JRK: variants seen among roughly 807,000 people sequenced by gnomAD.
The protein encoded by JRK is jerky protein homolog.
For synonymous variants in JRK, 303 were observed against 218.1 expected (o/e 1.39, Z -3.43); for missense variants, 720 against 509.2 (o/e 1.41, Z -3.98).
Position 142,664,956 on chromosome 8 carries a change from C to T in JRK, c.1103G>A (p.Cys368Tyr). Residue 368 changes from cysteine to tyrosine, a missense_variant, in exon 2 of 2, where the codon TGT (cysteine) becomes TAT (tyrosine). By Grantham distance (194) the Cys-to-Tyr change is radical. Transcript: ENST00000612905. ...NMNDAIFSVA[C>Y]AWNAVPSHVF... ...GTGGCTAGGGACTGCGTTCCAGGCACAGGCCACGCTGAATATGGCATCGTT... is the reference window on the plus strand; with the variant it reads ...GTGGCTAGGGACTGCGTTCCAGGCATAGGCCACGCTGAATATGGCATCGTT... The T allele has an allele frequency of 2.6e-6, 2 of 770,834 alleles. No individual in the cohort carries two copies. Among genetic ancestry groups the T allele is most frequent in the Non-Finnish European group, 2.4e-6 (1 of 424,638 alleles). 47.7% of individuals were successfully genotyped at this position (770,834 alleles called of 1,614,324 possible).
the JRK span, among the ~76,000 whole-genome samples, chr8:142,647,988 T>A: frequency 6.6e-6 from 1 of 152,212 alleles, no homozygotes; most frequent in South Asian, 2.1e-4. Flanking sequence ...TGGAGTAAAG[T>A]GACTCTTGTT....
chr8:142,660,363 TC>T lies in JRK; in HGVS notation c.*3988del. ...CCTGACCCCTACCTACCTCATGACC[TC>T]CCCGACCCTGATCTCCACACCTGAC... On this transcript the variant is annotated 3_prime_UTR_variant, in exon 2 of 2. Coordinates refer to ENST00000612905, the MANE Select transcript of JRK (RefSeq NM_003724.4). 1.0e-6 allele frequency: 1 copy of T among 985,170 alleles called. No individual in the cohort carries two copies. The highest frequency in any genetic ancestry group is 1.2e-6 in the Non-Finnish European group (1 of 829,924). 61.0% of individuals were successfully genotyped at this position (985,170 alleles called of 1,614,324 possible). A position where few individuals can be genotyped will look rare whatever the true frequency, so the allele number is the denominator to read the frequency against.
Position 142,659,974 on chromosome 8 carries a change from C to A in JRK, c.*4378G>T. ...GAGGGTCCATGTGTAGAAGCAGAGG[C>A]CAGAGCTGACACCACATGGGCAAAG... On this transcript the variant is annotated 3_prime_UTR_variant, in exon 2 of 2. Transcript: ENST00000612905. The A allele has an allele frequency of 3.0e-6, 3 of 985,620 alleles. No individual in the cohort carries two copies. Among genetic ancestry groups the A allele is most frequent in the Non-Finnish European group, 3.6e-6 (3 of 830,018 alleles). 61.1% of individuals were successfully genotyped at this position (985,620 alleles called of 1,614,324 possible). A position where few individuals can be genotyped will look rare whatever the true frequency, so the allele number is the denominator to read the frequency against.
In JRK at chr8:142,660,118, A is replaced by G; in HGVS notation, c.*4234T>C. 1.0e-6 allele frequency: 1 copy of G among 985,582 alleles called. No individual in the cohort carries two copies. The highest frequency in any genetic ancestry group is 1.2e-6 in the Non-Finnish European group (1 of 830,022). 61.1% of individuals were successfully genotyped at this position (985,582 alleles called of 1,614,324 possible). A position where few individuals can be genotyped will look rare whatever the true frequency, so the allele number is the denominator to read the frequency against. The stretch of plus-strand genomic sequence containing the variant: ...GGTCTACAAGAGCTGGGCAGGGAAG[A>G]GGACAAACAAGGTCTCACAGGTCCA... On this transcript the variant is annotated 3_prime_UTR_variant, in exon 2 of 2. Transcript: ENST00000612905.
chr8:142,645,311 A>AT, the JRK span, among the ~76,000 whole-genome samples: 8 of 152,184 alleles, frequency 5.3e-5, no homozygotes, highest in Non-Finnish European at 8.8e-5. Context: ...CATTAATCTC[A>AT]TTTTTTTCTA....
At chr8:142,666,815 C>G (rs1419074474) in intron 1 of JRK, among the ~76,000 whole-genome samples, 1 of 152,220 alleles carries the variant, frequency 6.6e-6, no homozygotes, top group Non-Finnish European at 1.5e-5. Context: ...CCGGCCTTTC[C>G]TGGGGAAGCG....
At chr8:142,646,781 T>G in the JRK span, among the ~76,000 whole-genome samples, 1 of 152,228 alleles carries the variant, frequency 6.6e-6, no homozygotes, top group African/African-American at 2.4e-5. Flanking sequence ...ATCAGAGCTC[T>G]TTTATATATT....
chr8:142,666,575 TGGCGTC>T, intron 1 of JRK, 55 bp from the exon 2 acceptor site: 1 of 222,156 alleles, frequency 4.5e-6, no homozygotes, highest in South Asian at 7.7e-5. Flanking sequence ...AGGACACACA[TGGCGTC>T]CTCACGACTC....
chr8:142,664,532 C>T lies in JRK; in HGVS notation c.1527G>A (p.Ala509=), dbSNP rs147803227. 4.6e-3 allele frequency: 7,445 copies of T among 1,608,302 alleles called. 30 individuals carry two copies. The highest frequency in any genetic ancestry group is 6.1e-3 in the Middle Eastern group (37 of 6,048). Residue 509 remains alanine (A), a synonymous_variant, in exon 2 of 2, where the codon GCG becomes GCA. Transcript: ENST00000612905. ...RFAERQPCFS[A]QEVGQLRALR... ...GCGCCCGCAGCTGCCCCACTTCCTG[C>T]GCACTGAAGCATGGCTGCCGCTCCG...
At position 142,659,665 on chromosome 8, in the gene JRK, A is replaced by T. The variant is rs1846853773; in HGVS notation, c.*4687T>A. 1.0e-6 allele frequency: 1 copy of T among 985,474 alleles called. No homozygotes were observed. The highest frequency in any genetic ancestry group is 1.7e-5 in the African/African-American group (1 of 57,256). The allele number at this position is 985,474 out of a possible 1,614,324, so 61.0% of individuals were successfully genotyped here. A position where few individuals can be genotyped will look rare whatever the true frequency, so the allele number is the denominator to read the frequency against. ...GAACTGAAAGGAGGTTCAAGGCCTC[A>T]AACAAGAGTGGCCCCTAAAACAGTT... On this transcript the variant is annotated 3_prime_UTR_variant, in exon 2 of 2. Coordinates refer to ENST00000612905, the MANE Select transcript of JRK (RefSeq NM_003724.4).
chr8:142,648,909 G>C, the JRK span, among the ~76,000 whole-genome samples: 1 of 152,254 alleles, frequency 6.6e-6, no homozygotes, highest in East Asian at 1.9e-4. Flanking sequence ...GGGTGGAGCT[G>C]CCCAAGACCA....
chr8:142,647,116 T>A, the JRK span, among the ~76,000 whole-genome samples: 22 of 152,290 alleles, frequency 1.4e-4, no homozygotes, highest in African/African-American at 5.1e-4. Flanking sequence ...CATATGATTG[T>A]GTAAGGAGAC....
At chr8:142,653,791 A>G (rs1554633392), downstream of JRK, among the ~76,000 whole-genome samples, 1 of 152,094 alleles carries the variant, frequency 6.6e-6, no homozygotes, top group African/African-American at 2.4e-5. Flanking sequence ...CTACACCCCT[A>G]TGATTGCATC....
In JRK at chr8:142,664,445, C is replaced by A. The variant is rs782081657; in HGVS notation, c.1614G>T (p.Val538=). The A allele has an allele frequency of 1.9e-6, 3 of 1,611,546 alleles. No homozygotes were observed. The highest frequency in any genetic ancestry group is 2.5e-6 in the Non-Finnish European group (3 of 1,178,880). The change falls in exon 2 of 2, where the codon GTG becomes GTT. Residue 538 remains valine (V), a synonymous_variant. Coordinates refer to ENST00000612905, the MANE Select transcript of JRK (RefSeq NM_003724.4). ...VRRRRGALGA[V]VKVEALQEGP... is the part of the protein sequence containing the mutation. ...CCTCCTGGAGGGCTTCAACCTTGAC[C>A]ACAGCCCCGAGGGCACCACGCCGCC...
chr8:142,664,112 A>G lies in JRK; in HGVS notation c.*240T>C, dbSNP rs1465342976. The stretch of plus-strand genomic sequence containing the variant: ...TTCTAGGCTAGGGTGGACCCTTCCA[A>G]AACATTTCCTCACTTTCGGATGACA... On this transcript the variant is annotated 3_prime_UTR_variant, in exon 2 of 2. Coordinates refer to ENST00000612905, the MANE Select transcript of JRK (RefSeq NM_003724.4). The G allele has an allele frequency of 5.3e-6, 7 of 1,321,248 alleles. No individual in the cohort carries two copies. The highest frequency in any genetic ancestry group is 2.8e-5 in the East Asian group (1 of 35,766). The allele number at this position is 1,321,248 out of a possible 1,614,324, so 81.8% of individuals were successfully genotyped here. A position where few individuals can be genotyped will look rare whatever the true frequency, so the allele number is the denominator to read the frequency against.
chr8:142,646,753 ATTTTC>A, the JRK span, among the ~76,000 whole-genome samples: 49 of 152,274 alleles, frequency 3.2e-4, no homozygotes, highest in African/African-American at 1.1e-3. Flanking sequence ...AAGTGCTTTT[ATTTTC>A]TTAAGCCAGT....
rs1554635481 is a variant in JRK at position 142,665,023 on chromosome 8, G to A, written c.1036C>T (p.Pro346Ser). Residue 346 changes from proline (P) to serine (S), a missense_variant, in exon 2 of 2, where the codon CCT becomes TCT. Physicochemically the swap from Pro to Ser is moderately conservative, Grantham distance 74 (BLOSUM62 -1). Coordinates refer to ENST00000612905, the MANE Select transcript of JRK (RefSeq NM_003724.4). ...RRDFMRNFIN[P>S]PVPLQGPHAR... ...TGGGGGCCCTGCAGGGGGACCGGAG[G>A]GTTAATGAAGTTCCTCATGAAATCT... 4.2e-6 allele frequency: 3 copies of A among 715,470 alleles called. No homozygotes were observed. Among genetic ancestry groups the A allele is most frequent in the African/African-American group, 1.7e-5 (1 of 57,212 alleles). The allele number at this position is 715,470 out of a possible 1,614,324, so 44.3% of individuals were successfully genotyped here. A position where few individuals can be genotyped will look rare whatever the true frequency, so the allele number is the denominator to read the frequency against.
At position 142,662,939 on chromosome 8, in the gene JRK, C is replaced by T. The variant is rs376764137; in HGVS notation, c.*1413G>A. 6.5e-5 allele frequency: 55 copies of T among 850,022 alleles called. No individual in the cohort carries two copies. Among genetic ancestry groups the T allele is most frequent in the Non-Finnish European group, 6.8e-5 (48 of 706,614 alleles). 52.7% of individuals were successfully genotyped at this position (850,022 alleles called of 1,614,324 possible). On this transcript the variant is annotated 3_prime_UTR_variant, in exon 2 of 2. Coordinates refer to ENST00000612905, the MANE Select transcript of JRK (RefSeq NM_003724.4). ...CTTTAGAAGGATGAGGAAGGAGGAT[C>T]GCTTGAGGCCAAGAGTTCAAGACCA...
At position 142,663,994 on chromosome 8, in the gene JRK, C is replaced by T. The variant is rs1847000194; in HGVS notation, c.*358G>A. ...TCTCCACGTGGACAGACTGACATCTCCACCCTCTGATACTGCAATGATCAG... is the reference window on the plus strand; with the variant it reads ...TCTCCACGTGGACAGACTGACATCTTCACCCTCTGATACTGCAATGATCAG... On this transcript the variant is annotated 3_prime_UTR_variant, in exon 2 of 2. Coordinates refer to ENST00000612905, the MANE Select transcript of JRK (RefSeq NM_003724.4). The T allele has an allele frequency of 1.9e-6, 2 of 1,061,178 alleles. No homozygotes were observed. The highest frequency in any genetic ancestry group is 4.5e-5 in the South Asian group (1 of 22,332). The allele number at this position is 1,061,178 out of a possible 1,614,324, so 65.7% of individuals were successfully genotyped here.
Sources: gnomAD v4.1 joint callset for allele counts (sites outside exome capture counted in the v4.1 genomes callset) on GRCh38, gnomAD v4.1.1 for gene constraint, MANE v1.5 for transcripts, NCBI Gene and HGNC (gene_info 2026-07-23, HGNC 2026-07-21) for gene names.